Variants in RBAK observed in about 807,000 individuals in gnomAD.
RBAK encodes the protein RB-associated KRAB zinc finger protein.
In RBAK, 39 loss-of-function variants were observed where a neutral mutation model predicts 65.8. That is an observed-to-expected ratio of 0.59 (90% CI 0.46 to 0.77). The LOEUF (loss-of-function observed/expected upper bound fraction) is 0.77. Among genes scored for constraint, RBAK ranks in the 30% least tolerant of loss-of-function variants. The pLI is 0.00. For missense variants in RBAK, 884 were observed against 855.1 expected (o/e 1.03, Z -0.42); for synonymous variants, 343 against 289.7 (o/e 1.18, Z -1.87).
intron 4 of RBAK, among the ~76,000 whole-genome samples, chr7:5,062,744 C>A (rs1034315342): frequency 2.7e-4 from 41 of 152,276 alleles, no homozygotes; most frequent in African/African-American, 9.1e-4. Context: ...CTAAGGGGGC[C>A]ATCTATAGGC....
In RBAK at chr7:5,068,321, T is replaced by C. The variant is rs951043109; in HGVS notation, c.*2720T>C. On this transcript the variant is annotated 3_prime_UTR_variant, in exon 5 of 5. Coordinates refer to ENST00000396912, the MANE Select transcript of RBAK (RefSeq NM_021163.4). The stretch of plus-strand genomic sequence containing the variant: ...ACAATCCCAGGTGGCAGTCTGGATT[T>C]GGTCTGCACTCATAGTTTTCTGGTC... 1 of 152,114 alleles carries C rather than the reference T, an allele frequency of 6.6e-6. No individual in the cohort carries two copies. Among genetic ancestry groups the C allele is most frequent in the African/African-American group, 2.4e-5 (1 of 41,420 alleles). The allele number at this position is 152,114 out of a possible 1,614,324, so 9.4% of individuals were successfully genotyped here.
chr7:5,057,548 T>C (rs943169391), intron 3 of RBAK, 127 bp downstream of exon 3: 57 of 1,592,580 alleles, frequency 3.6e-5, no homozygotes, highest in Non-Finnish European at 4.4e-5. Context: ...TTATTATTCA[T>C]TGAAAGGTTC....
intron 4 of RBAK, among the ~76,000 whole-genome samples, chr7:5,062,198 T>A (rs953770635): frequency 2.0e-5 from 3 of 152,228 alleles, no homozygotes; most frequent in African/African-American, 7.2e-5. Context: ...CTAGCACCTG[T>A]TTTTGTTCCT....
At position 5,057,384 on chromosome 7, in the gene RBAK, T is replaced by C; in HGVS notation, c.105T>C (p.Asp35=). 1 of 1,614,050 alleles carries C rather than the reference T, an allele frequency of 6.2e-7. No homozygotes were observed. Among genetic ancestry groups the C allele is most frequent in the South Asian group, 1.1e-5 (1 of 91,082 alleles). ...CTGATGAGAAGATAACTTACAGGGATGTGATGTTGGAGAACTATAGCCATC... is the reference window on the plus strand; with the variant it reads ...CTGATGAGAAGATAACTTACAGGGACGTGATGTTGGAGAACTATAGCCATC... ...LDPDEKITYR[D]VMLENYSHLV... is the part of the protein sequence containing the mutation. Residue 35 remains aspartate, a synonymous_variant, in exon 3 of 5, where the codon GAT becomes GAC. Transcript: ENST00000396912.
Position 5,064,545 on chromosome 7 carries a change from C to T in RBAK, c.1089C>T (p.His363=), listed in dbSNP as rs1273040342. 3.1e-6 allele frequency: 5 copies of T among 1,613,780 alleles called. No homozygotes were observed. The highest frequency in any genetic ancestry group is 2.2e-5 in the South Asian group (2 of 91,072). The part of the protein sequence containing the change: ...TFCQKTHLTL[H]QRNHSGERPY... ...GCCAAAAGACACATCTCACCCTGCA[C>T]CAGAGGAATCATTCAGGAGAGAGGC... The change falls in exon 5 of 5, where the codon CAC becomes CAT. Residue 363 remains histidine (H), a synonymous_variant. Coordinates refer to ENST00000396912, the MANE Select transcript of RBAK (RefSeq NM_021163.4). The surrounding 1 kb of genome is among the most constrained non-coding windows in gnomAD (Gnocchi z 6.3).
rs1017416197 is a variant in RBAK, at chr7:5,069,423, A to G, written c.*3822A>G. 6.6e-6 allele frequency: 1 copy of G among 152,234 alleles called. No individual in the cohort carries two copies. Among genetic ancestry groups the G allele is most frequent in the African/African-American group, 2.4e-5 (1 of 41,462 alleles). 9.4% of individuals were successfully genotyped at this position (152,234 alleles called of 1,614,324 possible). Reference sequence around the variant, plus strand: ...TTTGTCATCCTATACTTTTGCATATATAAATAGGTCTGAGCTGCCTCTTCA... The same window carrying G: ...TTTGTCATCCTATACTTTTGCATATGTAAATAGGTCTGAGCTGCCTCTTCA... On this transcript the variant is annotated 3_prime_UTR_variant, in exon 5 of 5. Coordinates refer to ENST00000396912, the MANE Select transcript of RBAK (RefSeq NM_021163.4).
At position 5,048,026 on chromosome 7, in the gene RBAK, C is replaced by T. The variant is rs776826191; in HGVS notation, c.-44-7C>T. The T allele has an allele frequency of 5.6e-5, 83 of 1,493,558 alleles. No individual in the cohort carries two copies. Among genetic ancestry groups the T allele is most frequent in the Non-Finnish European group, 7.3e-5 (80 of 1,093,246 alleles). The allele number at this position is 1,493,558 out of a possible 1,614,324, so 92.5% of individuals were successfully genotyped here. A position where few individuals can be genotyped will look rare whatever the true frequency, so the allele number is the denominator to read the frequency against. On this transcript the variant is annotated splice_region_variant and splice_polypyrimidine_tract_variant and intron_variant, in intron 1 of 4. Coordinates refer to ENST00000396912, the MANE Select transcript of RBAK (RefSeq NM_021163.4). The surrounding 1 kb of genome is among the most constrained non-coding windows in gnomAD (Gnocchi z 4.4). The stretch of plus-strand genomic sequence containing the variant: ...ATGACTTCAGTGACCTGCTTCTCCC[C>T]CTCTAGGTCTACCAGCCACAGTCTC...
Position 5,065,502 on chromosome 7 carries a change from C to G in RBAK, c.2046C>G (p.Asn682Lys), listed in dbSNP as rs12334144. The G allele has an allele frequency of 6.5e-4, 1,043 of 1,608,544 alleles. 18 individuals are homozygous for G. The South Asian group carries it at 0.011, about 17-fold the overall frequency. Residue 682 changes from asparagine to lysine, a missense_variant, in exon 5 of 5, where the codon AAC becomes AAG. Coordinates refer to ENST00000396912, the MANE Select transcript of RBAK (RefSeq NM_021163.4). The surrounding 1 kb of genome is among the most constrained non-coding windows in gnomAD (Gnocchi z 5.3). ...THSGEKPYEC[N>K]ECGKKFHHRS... ...CAGGAGAGAAACCCTATGAATGTAA[C>G]GAGTGTGGGAAAAAATTCCACCACA...
rs1235554858 is a variant in RBAK, at chr7:5,048,861, G to A, written c.15+770G>A. On this transcript the variant is annotated intron_variant, in intron 2 of 4. Coordinates refer to ENST00000396912, the MANE Select transcript of RBAK (RefSeq NM_021163.4). The surrounding 1 kb of genome is among the most constrained non-coding windows in gnomAD (Gnocchi z 4.4). ...CCATCACCAGAGCAGGAGGAAGAGGGAGGGGGAGGCGCTACACACTTTTAA... is the reference window on the plus strand; with the variant it reads ...CCATCACCAGAGCAGGAGGAAGAGGAAGGGGGAGGCGCTACACACTTTTAA... Among the ~76,000 whole-genome samples the A allele has an allele frequency of 6.6e-6, 1 of 152,208 alleles. No homozygotes were observed. Among genetic ancestry groups the A allele is most frequent in the East Asian group, 1.9e-4 (1 of 5,204 alleles).
chr7:5,064,145 A>G lies in RBAK; in HGVS notation c.689A>G (p.Glu230Gly). Residue 230 changes from glutamate to glycine, a missense_variant, in exon 5 of 5, where the codon GAG becomes GGG. Glu to Gly is a moderately conservative substitution (Grantham distance 98). Transcript: ENST00000396912. This position sits in a 1 kb window ranked among gnomAD's most constrained non-coding sequence, Gnocchi z 6.3. ...GCTCATAAGAGAGCTTACATAGGGG[A>G]GAAGCCCTATGAGTGGAATGATTCT... The part of the protein sequence containing the change: ...FIAHKRAYIG[E>G]KPYEWNDSGP... 6.2e-7 allele frequency: 1 copy of G among 1,613,724 alleles called. No individual in the cohort carries two copies. Among genetic ancestry groups the G allele is most frequent in the Non-Finnish European group, 8.5e-7 (1 of 1,179,748 alleles).
chr7:5,057,093 T>C, intron 2 of RBAK: 1 of 202,442 alleles, frequency 4.9e-6, no homozygotes, highest in Non-Finnish European at 8.8e-6. Flanking sequence ...ATATTATATA[T>C]ATTTATATAT....
intron 1 of RBAK, among the ~76,000 whole-genome samples, chr7:5,047,416 C>T (rs1164074717): frequency 1.3e-5 from 2 of 151,678 alleles, no homozygotes; most frequent in Admixed American, 1.3e-4. Flanking sequence ...AGACAAACCA[C>T]AAAAAACATG....
At chr7:5,063,375 A>G (rs1209656446) in intron 4 of RBAK, among the ~76,000 whole-genome samples, 1 of 151,998 alleles carries the variant, frequency 6.6e-6, no homozygotes, top group Non-Finnish European at 1.5e-5. Context: ...CACCTTTTCT[A>G]CCAAAGTTTG....
rs200370611 is a variant in RBAK at position 5,064,183 on chromosome 7, A to T, written c.727A>T (p.Ile243Leu). ...GTGGAATGATTCTGGACCAGACTTC[A>T]TACAGATGTCAAATTTTAATGCATA... is the stretch of plus-strand genomic sequence containing the variant. Reference protein sequence around the residue: ...YEWNDSGPDFIQMSNFNAYQR... With the variant: ...YEWNDSGPDFLQMSNFNAYQR... Residue 243 changes from isoleucine (I) to leucine (L), a missense_variant, in exon 5 of 5, where the codon ATA (isoleucine) becomes TTA (leucine). Ile to Leu is a conservative substitution (Grantham distance 5, BLOSUM62 2). Coordinates refer to ENST00000396912, the MANE Select transcript of RBAK (RefSeq NM_021163.4). The surrounding 1 kb of genome is among the most constrained non-coding windows in gnomAD (Gnocchi z 6.3). 1.4e-5 allele frequency: 23 copies of T among 1,613,824 alleles called. No homozygotes were observed. The African/African-American group carries it at 2.7e-4, about 19-fold the overall frequency.
In RBAK at chr7:5,046,249, C is replaced by G. The variant is rs772705561; in HGVS notation, c.-192C>G. 2 of 514,284 alleles carry G rather than the reference C, an allele frequency of 3.9e-6. No homozygotes were observed. Among genetic ancestry groups the G allele is most frequent in the Non-Finnish European group, 7.7e-6 (2 of 258,830 alleles). The allele number at this position is 514,284 out of a possible 1,614,324, so 31.9% of individuals were successfully genotyped here. ...GGAAGGACACCCGCCTGGATTTGCC[C>G]CTTAGGCCCGGCCCGGGCCCCTCGG... On this transcript the variant is annotated 5_prime_UTR_variant, in exon 1 of 5. Transcript: ENST00000396912.
At chr7:5,061,697 A>G (rs1014035715) in intron 4 of RBAK, among the ~76,000 whole-genome samples, 2 of 151,592 alleles carry the variant, frequency 1.3e-5, no homozygotes, top group Non-Finnish European at 1.5e-5. Flanking sequence ...CAAGAGTTCA[A>G]GACCAGTCTG....
intron 2 of RBAK, among the ~76,000 whole-genome samples, chr7:5,052,001 A>T (rs1192223496): frequency 2.6e-5 from 4 of 152,160 alleles, no homozygotes; most frequent in African/African-American, 7.2e-5. Flanking sequence ...AATCTGCTGC[A>T]TTTGTGGTTC....
chr7:5,064,228 A>G lies in RBAK; in HGVS notation c.772A>G (p.Met258Val), dbSNP rs375842385. 49 of 1,613,978 alleles carry G rather than the reference A, an allele frequency of 3.0e-5. 2 individuals carry two copies. The Admixed American group carries it at 3.3e-4, about 11-fold the overall frequency. The change falls in exon 5 of 5, where the codon ATG (methionine) becomes GTG (valine). Residue 258 changes from methionine (M) to valine (V), a missense_variant. Transcript: ENST00000396912. This position sits in a 1 kb window ranked among gnomAD's most constrained non-coding sequence, Gnocchi z 6.3. Reference protein sequence around the residue: ...FNAYQRSQMEMKPFECSECGK... With the variant: ...FNAYQRSQMEVKPFECSECGK... ...TGCATATCAGAGATCACAAATGGAA[A>G]TGAAGCCCTTTGAATGCAGTGAATG...
chr7:5,063,350 CATT>C (rs1184294334), intron 4 of RBAK, among the ~76,000 whole-genome samples: 1 of 152,152 alleles, frequency 6.6e-6, no homozygotes, highest in African/African-American at 2.4e-5. Flanking sequence ...CTCTGCTCAT[CATT>C]TGGTTTTATT....
Sources: gnomAD v4.1 joint callset for allele counts (sites outside exome capture counted in the v4.1 genomes callset) on GRCh38, gnomAD v4.1.1 for gene constraint, Gnocchi (gnomAD v3.1) non-coding constraint, MANE v1.5 for transcripts, NCBI Gene and HGNC (gene_info 2026-07-23, HGNC 2026-07-21) for gene names.